The following DPP6 variants were observed in gnomAD, a reference collection of about 807,000 sequenced individuals.
DPP6 encodes dipeptidyl peptidase like 6, also known as A-type potassium channel modulatory protein DPP6.
DPP6 carries 69 observed loss-of-function variants against 122.6 expected under a neutral mutation model. The observed-to-expected ratio is 0.56, with a 90% CI of 0.46 to 0.69. The LOEUF (loss-of-function observed/expected upper bound fraction) is 0.69. DPP6 is among the 30% of genes least tolerant of loss of function. The pLI is 0.00. For synonymous variants in DPP6, 418 were observed against 433.1 expected (o/e 0.97, Z 0.43); for missense variants, 928 against 1,116.9 (o/e 0.83, Z 2.41).
rs537888760 is a variant in DPP6, at chr7:154,664,034, A to G, written c.681-5326A>G. 9.2e-4 allele frequency among the ~76,000 whole-genome samples: 93 copies of G among 101,114 alleles called. 29 individuals carry two copies. Among genetic ancestry groups the G allele is most frequent in the Middle Eastern group, 6.0e-3 (1 of 168 alleles). 66.3% of individuals were successfully genotyped at this position (101,114 alleles called of 152,430 possible). On this transcript the variant is annotated intron_variant, in intron 6 of 25. Transcript: ENST00000377770. ...CATAGTGTTCATATAGTCATGGTGA[A>G]TCACCATGGCATATCGGCCGTAGTG... is the stretch of plus-strand genomic sequence containing the variant.
At position 154,540,565 on chromosome 7, in the gene DPP6, C is replaced by G. The variant is rs761081375; in HGVS notation, c.491C>G (p.Thr164Arg). ...TEFIYREQKGTVRLWNVETNT... is the reference protein window; with the variant it reads ...TEFIYREQKGRVRLWNVETNT... ...TTCATCTACAGAGAACAGAAAGGAA[C>G]AGTGAGACTGTGGAATGTTGAAACA... is the stretch of plus-strand genomic sequence containing the variant. Residue 164 changes from threonine (T) to arginine (R), a missense_variant, in exon 4 of 26, where the codon ACA becomes AGA. Transcript: ENST00000377770. 2 of 1,608,348 alleles carry G rather than the reference C, an allele frequency of 1.2e-6. No individual in the cohort carries two copies. The highest frequency in any genetic ancestry group is 8.5e-7 in the Non-Finnish European group (1 of 1,177,514).
chr7:154,034,105 G>T (rs1182816141), intron 1 of DPP6, among the ~76,000 whole-genome samples: 2 of 152,188 alleles, frequency 1.3e-5, no homozygotes, highest in Non-Finnish European at 2.9e-5. Context: ...CTTATTAAGT[G>T]TAGGGCCAAC....
chr7:154,226,777 G>T (rs1358673914), intron 1 of DPP6, among the ~76,000 whole-genome samples: 1 of 152,154 alleles, frequency 6.6e-6, no homozygotes, highest in East Asian at 1.9e-4. Context: ...ATTTTTGGTG[G>T]TATGTGATCT....
chr7:154,594,221 T>G (rs1832960676), intron 5 of DPP6, among the ~76,000 whole-genome samples: 1 of 152,198 alleles, frequency 6.6e-6, no homozygotes, highest in Non-Finnish European at 1.5e-5. Context: ...GATGGAAACT[T>G]TCATGTTGTA....
chr7:154,387,238 C>T (rs909064918), intron 1 of DPP6, among the ~76,000 whole-genome samples: 13 of 152,180 alleles, frequency 8.5e-5, no homozygotes, highest in African/African-American at 3.1e-4. Context: ...TTCCAGCAAG[C>T]AGGGAAGGCT....
At chr7:154,253,923 G>T (rs1802502413) in intron 1 of DPP6, among the ~76,000 whole-genome samples, 1 of 152,214 alleles carries the variant, frequency 6.6e-6, no homozygotes, top group Non-Finnish European at 1.5e-5. Context: ...TGGCAGGTGA[G>T]AGGGAGAGCG....
the DPP6 span, among the ~76,000 whole-genome samples, chr7:153,815,978 T>C: frequency 6.6e-6 from 1 of 152,206 alleles, no homozygotes; most frequent in East Asian, 1.9e-4. Flanking sequence ...TCATTTATTA[T>C]ATAAATTAAT....
At chr7:154,437,819 C>T (rs546707020) in intron 1 of DPP6, among the ~76,000 whole-genome samples, 14 of 152,140 alleles carry the variant, frequency 9.2e-5, no homozygotes, top group Non-Finnish European at 1.6e-4. Flanking sequence ...GCCTGTAATC[C>T]GTGTTACTTG....
chr7:154,399,003 G>A (rs1054129966), intron 1 of DPP6, among the ~76,000 whole-genome samples: 3 of 152,146 alleles, frequency 2.0e-5, no homozygotes, highest in African/African-American at 4.8e-5. Flanking sequence ...GTAAGCTGTT[G>A]GAGCAGGGCT....
chr7:154,664,723 T>A (rs1237999939), intron 6 of DPP6, among the ~76,000 whole-genome samples: 1 of 152,094 alleles, frequency 6.6e-6, no homozygotes, highest in Non-Finnish European at 1.5e-5. Context: ...ATCTGACTTT[T>A]CATTCCTATT....
At chr7:154,415,961 C>T (rs1192007271) in intron 1 of DPP6, among the ~76,000 whole-genome samples, 1 of 151,874 alleles carries the variant, frequency 6.6e-6, no homozygotes, top group Non-Finnish European at 1.5e-5. Flanking sequence ...TCTGGGAGAA[C>T]CATGCCAGAG....
intron 1 of DPP6, among the ~76,000 whole-genome samples, chr7:154,014,763 T>C (rs1192336630): frequency 2.0e-5 from 3 of 152,110 alleles, no homozygotes; most frequent in Non-Finnish European, 4.4e-5. Flanking sequence ...CCCTCCACGT[T>C]CTAAAAACAA....
At chr7:154,370,730 C>T (rs1466011027) in intron 1 of DPP6, among the ~76,000 whole-genome samples, 2 of 152,304 alleles carry the variant, frequency 1.3e-5, no homozygotes, top group East Asian at 3.9e-4. Flanking sequence ...AAATACTCAA[C>T]CTAGATTCTT....
chr7:154,669,319 C>A (rs1355383285), intron 6 of DPP6, 41 bp from the exon 7 acceptor site: 7 of 1,551,396 alleles, frequency 4.5e-6, no homozygotes, highest in Non-Finnish European at 6.1e-6. Flanking sequence ...TCTTGGTTCC[C>A]AACATTTTGC....
chr7:153,839,437 T>A, the DPP6 span, among the ~76,000 whole-genome samples: 11 of 152,316 alleles, frequency 7.2e-5, no homozygotes, highest in East Asian at 2.1e-3. Flanking sequence ...GAATGCAGAA[T>A]GTTGGGTTCA....
At chr7:154,288,320 G>T (rs1031310927) in intron 1 of DPP6, among the ~76,000 whole-genome samples, 1 of 152,204 alleles carries the variant, frequency 6.6e-6, no homozygotes, top group Non-Finnish European at 1.5e-5. Flanking sequence ...TGTGCATCAG[G>T]ACCGAGGGAA....
At chr7:154,371,253 C>T (rs984665583) in intron 1 of DPP6, among the ~76,000 whole-genome samples, 1 of 151,624 alleles carries the variant, frequency 6.6e-6, no homozygotes, top group African/African-American at 2.4e-5. Flanking sequence ...GTGGCAGGCA[C>T]CTATAATCCC....
chr7:154,703,868 C>T (rs1840672470), intron 7 of DPP6, among the ~76,000 whole-genome samples: 2 of 151,428 alleles, frequency 1.3e-5, no homozygotes, highest in South Asian at 2.1e-4. Flanking sequence ...ACCTGGGAGG[C>T]GGAGCTTGCA....
chr7:153,749,478 G>T, the DPP6 span, among the ~76,000 whole-genome samples: 1 of 152,062 alleles, frequency 6.6e-6, no homozygotes, highest in Non-Finnish European at 1.5e-5. The surrounding 1 kb of genome is among the most constrained non-coding windows in gnomAD (Gnocchi z 4.1). Context: ...CTGCTGTCAC[G>T]GACACGTGCT....
Sources: gnomAD v4.1 joint callset for allele counts (sites outside exome capture counted in the v4.1 genomes callset) on GRCh38, gnomAD v4.1.1 for gene constraint, Gnocchi (gnomAD v3.1) non-coding constraint, MANE v1.5 for transcripts, NCBI Gene and HGNC (gene_info 2026-07-23, HGNC 2026-07-21) for gene names.